Variants in ZNF510 observed in about 807,000 individuals in gnomAD.
ZNF510 encodes zinc finger protein 510.
Under a neutral mutation model 18.1 loss-of-function variants are expected in ZNF510, and 15 were observed. The observed-to-expected ratio is 0.83, with a 90% CI of 0.55 to 1.28. The LOEUF (loss-of-function observed/expected upper bound fraction) is 1.28. Ranked by LOEUF, ZNF510 falls within the 50% of genes most tolerant of loss-of-function variation. ZNF510 has a pLI of 0.00. For missense variants in ZNF510, 724 were observed against 791.8 expected, an observed-to-expected ratio of 0.91 and a Z score of 1.03; for synonymous variants, 261 against 266.4, an observed-to-expected ratio of 0.98 and a Z score of 0.20.
At chr9:96,767,321 C>CT (rs58480347) in intron 3 of ZNF510, among the ~76,000 whole-genome samples, 8,997 of 151,998 alleles carry the variant, frequency 0.059, 877 homozygotes, top group African/African-American at 0.2. Context: ...GAGCGAGACT[C>CT]TGTCTCAAAA....
At chr9:96,776,471 G>A (rs541783285) in intron 1 of ZNF510, among the ~76,000 whole-genome samples, 115 of 152,080 alleles carry the variant, frequency 7.6e-4, no homozygotes, top group Non-Finnish European at 1.3e-3. Flanking sequence ...TCTCCCTGTT[G>A]TGACAATCAG....
Position 96,759,252 on chromosome 9 carries a change from G to A in ZNF510, c.1578C>T (p.Gly526=), listed in dbSNP as rs1849274708. 3.1e-6 allele frequency: 5 copies of A among 1,613,562 alleles called. No individual in the cohort carries two copies. The highest frequency in any genetic ancestry group is 3.4e-6 in the Non-Finnish European group (4 of 1,179,904). The change falls in exon 6 of 6, where the codon GGC becomes GGT. Residue 526 remains glycine, a synonymous_variant. Coordinates refer to ENST00000223428, the MANE Select transcript of ZNF510 (RefSeq NM_014930.3). ...GATGTATTCTGAGGTTTGACTTCTG[G>A]CCAAATGTTTTTCCACATTGATTGC... is the stretch of plus-strand genomic sequence containing the variant. The part of the protein sequence containing the change: ...FQCNQCGKTF[G]QKSNLRIHQR...
At position 96,754,762 on chromosome 9, in the gene ZNF510, A is replaced by T. The variant is rs1441125254; in HGVS notation, c.*4016T>A. Among the ~76,000 whole-genome samples, 3 of 152,256 alleles carry T rather than the reference A, an allele frequency of 2.0e-5. No homozygotes were observed. The highest frequency in any genetic ancestry group is 4.4e-5 in the Non-Finnish European group (3 of 68,042). On this transcript the variant is annotated 3_prime_UTR_variant, in exon 6 of 6. Coordinates refer to ENST00000223428, the MANE Select transcript of ZNF510 (RefSeq NM_014930.3). ...TCAAAAGGAAAAATGCTCAGATTTC[A>T]GTTTGATAACTGTACCTTCAGCAAG...
intron 5 of ZNF510, among the ~76,000 whole-genome samples, chr9:96,761,872 T>C (rs887261663): frequency 1.1e-4 from 17 of 152,224 alleles, no homozygotes; most frequent in African/African-American, 4.1e-4. Flanking sequence ...TTGCCAAACA[T>C]AAACAATACT....
rs1849294705 is a variant in ZNF510, at chr9:96,759,657, G to A, written c.1173C>T (p.His391=). ...TTGAGTGACTTCTTCGGCGAACTCT[G>A]TGAACCGACGTCTGGTAGGATTTCT... ...ENKKSYQTSV[H]RVRRRSHSMM... is the part of the protein sequence containing the mutation. The change falls in exon 6 of 6, where the codon CAC becomes CAT. Residue 391 remains histidine, a synonymous_variant. Transcript: ENST00000223428. The A allele has an allele frequency of 1.2e-6, 2 of 1,613,426 alleles. No individual in the cohort carries two copies. The highest frequency in any genetic ancestry group is 1.7e-5 in the Admixed American group (1 of 59,996).
In ZNF510 at chr9:96,758,219, C is replaced by G. The variant is rs1006478154; in HGVS notation, c.*559G>C. The G allele has an allele frequency of 1.3e-5, 2 of 152,312 alleles. No homozygotes were observed. Among genetic ancestry groups the G allele is most frequent in the Admixed American group, 1.3e-4 (2 of 15,290 alleles). The allele number at this position is 152,312 out of a possible 1,614,324, so 9.4% of individuals were successfully genotyped here. A position where few individuals can be genotyped will look rare whatever the true frequency, so the allele number is the denominator to read the frequency against. ...TTTGCTGCGTGTATTCATTCAGGCA[C>G]AGACTTCTTTATCTTGTACCATGCC... On this transcript the variant is annotated 3_prime_UTR_variant, in exon 6 of 6. Transcript: ENST00000223428.
rs184255495 is a variant in ZNF510, at chr9:96,755,194, A to G, written c.*3584T>C. Among the ~76,000 whole-genome samples the G allele has an allele frequency of 2.0e-5, 3 of 152,224 alleles. No homozygotes were observed. The highest frequency in any genetic ancestry group is 2.4e-5 in the African/African-American group (1 of 41,470). ...CCTCGGTGAATCAGTTCCACCCTAC[A>G]GGGTTCCTGATCCTTAATACCAAAC... is the stretch of plus-strand genomic sequence containing the variant. On this transcript the variant is annotated 3_prime_UTR_variant, in exon 6 of 6. Coordinates refer to ENST00000223428, the MANE Select transcript of ZNF510 (RefSeq NM_014930.3).
rs371217255 is a variant in ZNF510, at chr9:96,767,390, G to A, written c.130-3758C>T. On this transcript the variant is annotated intron_variant, in intron 3 of 5. Coordinates refer to ENST00000223428, the MANE Select transcript of ZNF510 (RefSeq NM_014930.3). ...AGACCCAGAAATTAGAAAATACATT[G>A]AGATTACTCACAATGAATACACAAA... Among the ~76,000 whole-genome samples the A allele has an allele frequency of 2.7e-4, 41 of 152,110 alleles. 1 individual carries two copies. Among genetic ancestry groups the A allele is most frequent in the South Asian group, 1.0e-3 (5 of 4,808 alleles).
Position 96,759,889 on chromosome 9 carries a change from CATTG to C in ZNF510, c.937_940del (p.Gln313ValfsTer20). 1.2e-6 allele frequency: 2 copies of C among 1,613,312 alleles called. No homozygotes were observed. The highest frequency in any genetic ancestry group is 1.7e-6 in the Non-Finnish European group (2 of 1,179,960). On this transcript the variant is annotated frameshift_variant, in exon 6 of 6. Transcript: ENST00000223428. LOFTEE classifies it low-confidence loss of function (END_TRUNC). ...AGTTGACTTCTCAAAGGATTTCCCACATTGATTAAGATGCAGGTGTTTCTTCCCT... is the reference window on the plus strand; with the variant it reads ...AGTTGACTTCTCAAAGGATTTCCCACATTAAGATGCAGGTGTTTCTTCCCT...
At chr9:96,771,445 ACT>A (rs1298223976) in intron 3 of ZNF510, among the ~76,000 whole-genome samples, 12 of 151,310 alleles carry the variant, frequency 7.9e-5, no homozygotes, top group Admixed American at 3.9e-4. Context: ...AAAAAAAAAA[ACT>A]CAGGAAACTA....
chr9:96,764,378 C>T (rs1160938219), intron 3 of ZNF510, among the ~76,000 whole-genome samples: 8 of 152,174 alleles, frequency 5.3e-5, no homozygotes, highest in African/African-American at 1.9e-4. Context: ...TCTTGAACTC[C>T]TGGCCTCAAG....
In ZNF510 at chr9:96,776,112, C is replaced by T. The variant is rs73536612; in HGVS notation, c.-43G>A. The T allele has an allele frequency of 5.6e-3, 8,826 of 1,567,808 alleles. 446 individuals carry two copies. The African/African-American group carries it at 0.11, about 19-fold the overall frequency. On this transcript the variant is annotated 5_prime_UTR_variant, in exon 2 of 6. Transcript: ENST00000223428. Reference sequence around the variant, plus strand: ...TCTGGGCAAGGGGATGAAGAAGTGCCGCTGGTTGGGCAAATCAAGACCTGC... The same window carrying T: ...TCTGGGCAAGGGGATGAAGAAGTGCTGCTGGTTGGGCAAATCAAGACCTGC...
chr9:96,755,006 GGA>G lies in ZNF510; in HGVS notation c.*3770_*3771del, dbSNP rs1367479144. 6.6e-6 allele frequency among the ~76,000 whole-genome samples: 1 copy of G among 152,234 alleles called. No individual in the cohort carries two copies. Among genetic ancestry groups the G allele is most frequent in the Non-Finnish European group, 1.5e-5 (1 of 68,040 alleles). On this transcript the variant is annotated 3_prime_UTR_variant, in exon 6 of 6. Transcript: ENST00000223428. The stretch of plus-strand genomic sequence containing the variant: ...GTTGCTAAGGAGATCAACCAGGCAA[GGA>G]GAGGGAGCATACATGACTAGAGCAC...
At chr9:96,763,289 CT>C in intron 4 of ZNF510, 76 bp from the exon 5 acceptor site, 1 of 1,493,972 alleles carries the variant, frequency 6.7e-7, no homozygotes, top group Non-Finnish European at 9.3e-7. Flanking sequence ...GAAAATACAG[CT>C]TTGGAAGCAG....
At position 96,763,558 on chromosome 9, in the gene ZNF510, C is replaced by G. The variant is rs764850839; in HGVS notation, c.204G>C (p.Lys68Asn). The G allele has an allele frequency of 2.5e-6, 4 of 1,613,192 alleles. No individual in the cohort carries two copies. The highest frequency in any genetic ancestry group is 3.4e-6 in the Non-Finnish European group (4 of 1,179,622). ...EEWQQMAPVQ[K>N]NLYRDVMLEN... ...CCAGCATCACATCTCTGTACAGATT[C>G]TTCTGAACAGGGGCCATTTGCTGCC... Residue 68 changes from lysine (K) to asparagine (N), a missense_variant, in exon 4 of 6, where the codon AAG (lysine) becomes AAC (asparagine). Coordinates refer to ENST00000223428, the MANE Select transcript of ZNF510 (RefSeq NM_014930.3).
At position 96,759,887 on chromosome 9, in the gene ZNF510, C is replaced by T. The variant is rs774964594; in HGVS notation, c.943G>A (p.Gly315Arg). 6.8e-6 allele frequency: 11 copies of T among 1,613,158 alleles called. No homozygotes were observed. Among genetic ancestry groups the T allele is most frequent in the Admixed American group, 5.0e-5 (3 of 59,980 alleles). ...GKKHLHLNQC[G>R]KSFEKSTVEE... The stretch of plus-strand genomic sequence containing the variant: ...ACAGTTGACTTCTCAAAGGATTTCC[C>T]ACATTGATTAAGATGCAGGTGTTTC... Residue 315 changes from glycine (G) to arginine (R), a missense_variant, in exon 6 of 6, where the codon GGG (glycine) becomes AGG (arginine). Transcript: ENST00000223428.
intron 3 of ZNF510, 119 bp from the exon 4 acceptor site, chr9:96,763,751 G>A (rs900751687): frequency 6.0e-6 from 6 of 1,003,028 alleles, no homozygotes; most frequent in Non-Finnish European, 8.4e-6. Flanking sequence ...TGTAAAGGAT[G>A]CCTATTTTGA....
rs1849178340 is a variant in ZNF510, at chr9:96,755,664, T to A, written c.*3114A>T. Among the ~76,000 whole-genome samples, 1 of 152,194 alleles carries A rather than the reference T, an allele frequency of 6.6e-6. No homozygotes were observed. The highest frequency in any genetic ancestry group is 1.5e-5 in the Non-Finnish European group (1 of 68,038). On this transcript the variant is annotated 3_prime_UTR_variant, in exon 6 of 6. Coordinates refer to ENST00000223428, the MANE Select transcript of ZNF510 (RefSeq NM_014930.3). Reference sequence around the variant, plus strand: ...GTATTATGGTTCCTATACATGCCAGTCCTATTCACAAAATGATGTTACTAA... The same window carrying A: ...GTATTATGGTTCCTATACATGCCAGACCTATTCACAAAATGATGTTACTAA...
At chr9:96,773,656 G>A (rs1359687537) in intron 3 of ZNF510, among the ~76,000 whole-genome samples, 2 of 151,570 alleles carry the variant, frequency 1.3e-5, no homozygotes, top group Non-Finnish European at 2.9e-5. Flanking sequence ...GCTCACTGCA[G>A]CCTCCGCCTC....
Sources: allele counts gnomAD v4.1 joint callset (sites outside exome capture counted in the v4.1 genomes callset), GRCh38; gene constraint gnomAD v4.1.1; transcripts MANE v1.5; gene names NCBI Gene and HGNC (gene_info 2026-07-23, HGNC 2026-07-21).